The following KCNIP1 variants were observed in gnomAD, a reference collection of about 807,000 sequenced individuals.
KCNIP1 encodes the protein potassium voltage-gated channel interacting protein 1, also known as A-type potassium channel modulatory protein KCNIP1.
Under a neutral mutation model 33.0 loss-of-function variants are expected in KCNIP1, and 18 were observed. The ratio of observed to expected loss-of-function variants is 0.55; its 90% confidence interval spans 0.38 to 0.81. The LOEUF is 0.81. Ranked by LOEUF, KCNIP1 falls within the 30% of genes least tolerant of loss-of-function variation. The probability of loss-of-function intolerance (pLI) is 0.00; values close to 1 mark genes in which losing one functional copy is unlikely to be tolerated. For missense variants in KCNIP1, 238 were observed against 271.6 expected, an observed-to-expected ratio of 0.88 and a Z score of 0.87; for synonymous variants, 93 against 98.3, an observed-to-expected ratio of 0.95 and a Z score of 0.32.
chr5:170,631,044 G>C (rs1760034149), intron 1 of KCNIP1, among the ~76,000 whole-genome samples: 1 of 152,170 alleles, frequency 6.6e-6, no homozygotes, highest in Admixed American at 6.5e-5. Flanking sequence ...GACTCAGTGT[G>C]TGAACTTGGT....
intron 1 of KCNIP1, among the ~76,000 whole-genome samples, chr5:170,434,515 T>G (rs13159028): frequency 6.6e-6 from 1 of 151,878 alleles, no homozygotes. Context: ...AGCACTCAGG[T>G]TGGAGGTAGG....
chr5:170,469,840 T>G (rs1442239536), intron 1 of KCNIP1, among the ~76,000 whole-genome samples: 1 of 152,226 alleles, frequency 6.6e-6, no homozygotes, highest in East Asian at 1.9e-4. Flanking sequence ...TGACCTGACT[T>G]GATTCATGGA....
chr5:170,648,592 G>T (rs551344582), intron 1 of KCNIP1, among the ~76,000 whole-genome samples: 98 of 152,314 alleles, frequency 6.4e-4, no homozygotes, highest in African/African-American at 2.3e-3. Flanking sequence ...AAGATGGCTG[G>T]TTTCCAGGGT....
chr5:170,536,742 C>T (rs1042882226), intron 1 of KCNIP1, among the ~76,000 whole-genome samples: 3 of 152,122 alleles, frequency 2.0e-5, no homozygotes, highest in Non-Finnish European at 4.4e-5. Flanking sequence ...TGCAGTGCAC[C>T]GGAGTTAAAA....
At chr5:170,701,788 TC>T (rs1055594070) in intron 1 of KCNIP1, among the ~76,000 whole-genome samples, 4 of 152,220 alleles carry the variant, frequency 2.6e-5, no homozygotes, top group East Asian at 1.9e-4. Context: ...GATGTTACTG[TC>T]CCCTTTTTCC....
chr5:170,413,232 T>G (rs1463050508), intron 1 of KCNIP1, among the ~76,000 whole-genome samples: 1 of 152,182 alleles, frequency 6.6e-6, no homozygotes, highest in Non-Finnish European at 1.5e-5. Context: ...CTGCGGGGTC[T>G]TGGTAGATGA....
chr5:170,486,467 A>G (rs888996620), intron 1 of KCNIP1: 1 of 152,400 alleles, frequency 6.6e-6, no homozygotes. Flanking sequence ...ACATGTGACC[A>G]ATCACATTGT....
chr5:170,450,685 C>T (rs554177126), intron 1 of KCNIP1, among the ~76,000 whole-genome samples: 1 of 152,132 alleles, frequency 6.6e-6, no homozygotes, highest in Non-Finnish European at 1.5e-5. Flanking sequence ...TTGCTCCGAC[C>T]ACCTCCGCCC....
At chr5:170,669,431 T>C in intron 1 of KCNIP1, 7 of 759,080 alleles carry the variant, frequency 9.2e-6, no homozygotes, top group Non-Finnish European at 1.1e-5. Flanking sequence ...TGGTGCTACA[T>C]TAGGCTACAT....
At chr5:170,427,154 T>C (rs1156746276) in intron 1 of KCNIP1, among the ~76,000 whole-genome samples, 1 of 152,114 alleles carries the variant, frequency 6.6e-6, no homozygotes, top group Non-Finnish European at 1.5e-5. Context: ...ACCTGCCAAA[T>C]GGAAATAATA....
upstream of KCNIP1, among the ~76,000 whole-genome samples, chr5:170,501,518 T>C (rs137873481): frequency 6.6e-6 from 1 of 152,328 alleles, no homozygotes; most frequent in Non-Finnish European, 1.5e-5. Context: ...GGCAGCCAAT[T>C]GCAAACACGT....
chr5:170,423,841 T>C (rs1374250543), intron 1 of KCNIP1, among the ~76,000 whole-genome samples: 1 of 152,206 alleles, frequency 6.6e-6, no homozygotes, highest in Non-Finnish European at 1.5e-5. Context: ...TGTATAAATG[T>C]TTAATTGTGG....
intron 1 of KCNIP1, among the ~76,000 whole-genome samples, chr5:170,672,915 G>A (rs1197017290): frequency 6.6e-6 from 1 of 152,182 alleles, no homozygotes; most frequent in Non-Finnish European, 1.5e-5. Flanking sequence ...GCAATAATAT[G>A]GTAAAGGAGA....
At chr5:170,680,409 C>G (rs1762297961) in intron 1 of KCNIP1, 1 of 152,220 alleles carries the variant, frequency 6.6e-6, no homozygotes, top group African/African-American at 2.4e-5. Flanking sequence ...CTCAGTGCTG[C>G]CCAGTGATAC....
chr5:170,503,943 CGTG>C, upstream of KCNIP1: 18 of 602,070 alleles, frequency 3.0e-5, no homozygotes, highest in South Asian at 1.5e-4. Context: ...CCGCCCCCAC[CGTG>C]CAGCCCTCGC....
At chr5:170,665,085 C>A (rs971167075) in intron 1 of KCNIP1, among the ~76,000 whole-genome samples, 3 of 152,094 alleles carry the variant, frequency 2.0e-5, no homozygotes, top group African/African-American at 7.2e-5. Flanking sequence ...GAAGCCCGAA[C>A]CCCCAGAAGC....
intron 1 of KCNIP1, among the ~76,000 whole-genome samples, chr5:170,412,162 C>T (rs1187228292): frequency 6.6e-6 from 1 of 152,186 alleles, no homozygotes; most frequent in Non-Finnish European, 1.5e-5. Context: ...GACCACTGAG[C>T]CTCTACCCAG....
intron 1 of KCNIP1, among the ~76,000 whole-genome samples, chr5:170,603,664 C>T (rs1182872876): frequency 6.6e-6 from 1 of 152,042 alleles, no homozygotes; most frequent in Non-Finnish European, 1.5e-5. Flanking sequence ...AGATAGAGAA[C>T]AGAGGGTGTC....
At chr5:170,599,099 C>CAGAG (rs1184211485) in intron 1 of KCNIP1, among the ~76,000 whole-genome samples, 1 of 152,106 alleles carries the variant, frequency 6.6e-6, no homozygotes, top group East Asian at 1.9e-4. Context: ...TAACCAGAGG[C>CAGAG]AGAGACTGGA....
Sources: allele counts gnomAD v4.1 joint callset (sites outside exome capture counted in the v4.1 genomes callset), GRCh38; gene constraint gnomAD v4.1.1; transcripts MANE v1.5; gene names NCBI Gene and HGNC (gene_info 2026-07-23, HGNC 2026-07-21).